LGR4: variants seen among roughly 807,000 people sequenced by gnomAD.
LGR4 encodes leucine-rich repeat-containing G protein-coupled receptor 4.
In LGR4, 44 loss-of-function variants were observed where a neutral mutation model predicts 84.8. The ratio of observed to expected loss-of-function variants is 0.52; its 90% confidence interval spans 0.41 to 0.67. The LOEUF is 0.67. Ranked by LOEUF, LGR4 falls within the 30% of genes least tolerant of loss-of-function variation. LGR4 has a pLI of 0.00. For missense variants in LGR4, 1,032 were observed against 1,131.4 expected, an observed-to-expected ratio of 0.91 and a Z score of 1.26; for synonymous variants, 429 against 434.3, an observed-to-expected ratio of 0.99 and a Z score of 0.15.
At chr11:27,441,947 A>T (rs1046849983) in intron 1 of LGR4, among the ~76,000 whole-genome samples, 3 of 152,234 alleles carry the variant, frequency 2.0e-5, no homozygotes, top group African/African-American at 4.8e-5. Context: ...AAGGATCAGA[A>T]CTAAAGGTCA....
At chr11:27,469,955 TC>T (rs1216662565) in intron 1 of LGR4, among the ~76,000 whole-genome samples, 1 of 152,198 alleles carries the variant, frequency 6.6e-6, no homozygotes, top group African/African-American at 2.4e-5. Flanking sequence ...TGAGCTAGTT[TC>T]CCCATGAGTA....
At chr11:27,458,601 C>A (rs569320722) in intron 1 of LGR4, among the ~76,000 whole-genome samples, 3 of 151,726 alleles carry the variant, frequency 2.0e-5, no homozygotes, top group Admixed American at 2.0e-4. Flanking sequence ...TGCAATGGCA[C>A]GATCTCAGCT....
Position 27,472,232 on chromosome 11 carries a change from G to T in LGR4, c.71C>A (p.Ala24Glu). ...GGGCGCCGCGCAGAGAGGCGGCGCC[G>T]CGCCGCTGGGCCCGGCCGAGCCGAG... ...GLLGSAGPSGAAPPLCAAPCS... is the reference protein window; with the variant it reads ...GLLGSAGPSGEAPPLCAAPCS... The change falls in exon 1 of 18, where the codon GCG (alanine) becomes GAG (glutamate). Residue 24 changes from alanine to glutamate, a missense_variant. By Grantham distance (107) the Ala-to-Glu change is moderately radical. Transcript: ENST00000379214. 1.5e-6 allele frequency: 2 copies of T among 1,346,788 alleles called. No individual in the cohort carries two copies. Among genetic ancestry groups the T allele is most frequent in the Non-Finnish European group, 1.9e-6 (2 of 1,052,082 alleles). 83.4% of individuals were successfully genotyped at this position (1,346,788 alleles called of 1,614,324 possible).
intron 1 of LGR4, among the ~76,000 whole-genome samples, chr11:27,471,380 T>C (rs969274125): frequency 2.6e-5 from 4 of 152,234 alleles, no homozygotes; most frequent in Non-Finnish European, 5.9e-5. Flanking sequence ...TCCAACATCC[T>C]GCACCTCAGG....
At chr11:27,420,101 GT>G (rs1259806016) in intron 1 of LGR4, among the ~76,000 whole-genome samples, 3 of 151,924 alleles carry the variant, frequency 2.0e-5, no homozygotes, top group Non-Finnish European at 4.4e-5. Flanking sequence ...TATTTTGTGG[GT>G]TTTTTCTTTT....
chr11:27,415,313 A>G (rs1238927679), intron 1 of LGR4, among the ~76,000 whole-genome samples: 2 of 152,118 alleles, frequency 1.3e-5, no homozygotes, highest in Non-Finnish European at 2.9e-5. Context: ...GTGAGTTATC[A>G]CTGTAACAGA....
chr11:27,434,089 C>T (rs946288988), intron 1 of LGR4, among the ~76,000 whole-genome samples: 1 of 152,218 alleles, frequency 6.6e-6, no homozygotes, highest in Non-Finnish European at 1.5e-5. Context: ...GAACTTAAGG[C>T]ATTTTTATTA....
chr11:27,380,033 CT>C (rs1863060610), intron 10 of LGR4, among the ~76,000 whole-genome samples: 1 of 152,174 alleles, frequency 6.6e-6, no homozygotes, highest in African/African-American at 2.4e-5. Flanking sequence ...TAATTTGGCA[CT>C]TTGTTACTGC....
intron 1 of LGR4, among the ~76,000 whole-genome samples, chr11:27,431,748 G>C (rs1048185204): frequency 6.6e-6 from 1 of 152,162 alleles, no homozygotes; most frequent in Admixed American, 6.5e-5. Flanking sequence ...CAATCTTCAA[G>C]AGCACTCCAT....
chr11:27,370,842 T>C (rs1478774633), intron 17 of LGR4, among the ~76,000 whole-genome samples: 2 of 152,122 alleles, frequency 1.3e-5, no homozygotes, highest in Non-Finnish European at 2.9e-5. Flanking sequence ...AAAATTAATA[T>C]AGACACTAAC....
chr11:27,372,463 A>C, intron 15 of LGR4, 65 bp from the exon 16 acceptor site: 1 of 964,424 alleles, frequency 1.0e-6, no homozygotes, highest in Non-Finnish European at 1.7e-6. Flanking sequence ...TTGTTTTGTA[A>C]AAGTATTTTA....
Position 27,472,211 on chromosome 11 carries a change from G to T in LGR4, c.92C>A (p.Ala31Glu). 7.3e-7 allele frequency: 1 copy of T among 1,368,632 alleles called. No homozygotes were observed. The highest frequency in any genetic ancestry group is 9.4e-7 in the Non-Finnish European group (1 of 1,059,950). The allele number at this position is 1,368,632 out of a possible 1,614,324, so 84.8% of individuals were successfully genotyped here. The change falls in exon 1 of 18, where the codon GCG becomes GAG. Residue 31 changes from alanine to glutamate, a missense_variant. Physicochemically the swap from Ala to Glu is moderately radical, Grantham distance 107 (BLOSUM62 -1). Coordinates refer to ENST00000379214, the MANE Select transcript of LGR4 (RefSeq NM_018490.5). ...ACGGTCGCCGTCGCAGCTGCAGGGC[G>T]CCGCGCAGAGAGGCGGCGCCGCGCC... is the stretch of plus-strand genomic sequence containing the variant. ...PSGAAPPLCA[A>E]PCSCDGDRRV...
chr11:27,470,901 G>A (rs191116459), intron 1 of LGR4, among the ~76,000 whole-genome samples: 3 of 152,026 alleles, frequency 2.0e-5, no homozygotes, highest in Admixed American at 2.0e-4. Flanking sequence ...TGGAAATACA[G>A]CAATGCTCCT....
Position 27,472,147 on chromosome 11 carries a change from G to C in LGR4, c.156C>G (p.Pro52=). The change falls in exon 1 of 18, where the codon CCC becomes CCG. Residue 52 remains proline (P), a synonymous_variant. Coordinates refer to ENST00000379214, the MANE Select transcript of LGR4 (RefSeq NM_018490.5). The part of the protein sequence containing the change: ...DCSGKGLTAV[P]EGLSAFTQAL... ...CTTGGGTGAAGGCGCTGAGCCCCTC[G>C]GGCACGGCCGTCAGCCCCTTCCCGG... The C allele has an allele frequency of 7.2e-7, 1 of 1,397,442 alleles. No individual in the cohort carries two copies. Among genetic ancestry groups the C allele is most frequent in the Non-Finnish European group, 9.3e-7 (1 of 1,077,476 alleles). 86.6% of individuals were successfully genotyped at this position (1,397,442 alleles called of 1,614,324 possible).
chr11:27,436,293 G>A (rs528999594), intron 1 of LGR4, among the ~76,000 whole-genome samples: 11 of 147,180 alleles, frequency 7.5e-5, no homozygotes, highest in East Asian at 2.0e-4. Flanking sequence ...CCTGTCTCCC[G>A]AATCACTACA....
rs1451545856 is a variant in LGR4, at chr11:27,416,177, TG to T, written c.186-3318del. Among the ~76,000 whole-genome samples, 77 of 152,268 alleles carry T rather than the reference TG, an allele frequency of 5.1e-4. 2 individuals are homozygous for T. The Middle Eastern group carries it at 0.027, about 54-fold the overall frequency. ...AAACCAAATGTAAATATATATCATA[TG>T]AGGTCAAAGCACCACCAACTCCCAA... On this transcript the variant is annotated intron_variant, in intron 1 of 17. Coordinates refer to ENST00000379214, the MANE Select transcript of LGR4 (RefSeq NM_018490.5).
chr11:27,374,348 A>G (rs1029421944), intron 13 of LGR4, among the ~76,000 whole-genome samples: 6 of 152,216 alleles, frequency 3.9e-5, no homozygotes, highest in African/African-American at 1.4e-4. Flanking sequence ...ATATGATATA[A>G]CCTTTGGTAC....
At chr11:27,405,890 C>A (rs1286057045) in intron 2 of LGR4, among the ~76,000 whole-genome samples, 2 of 152,152 alleles carry the variant, frequency 1.3e-5, no homozygotes, top group Non-Finnish European at 2.9e-5. Context: ...TATGAGACTA[C>A]ATTTATTGAA....
chr11:27,426,265 A>T (rs1257420622), intron 1 of LGR4, among the ~76,000 whole-genome samples: 1 of 152,252 alleles, frequency 6.6e-6, no homozygotes, highest in African/African-American at 2.4e-5. Context: ...CTATTGCTAC[A>T]ACCAAATAAT....
Sources: gnomAD v4.1 joint callset for allele counts (sites outside exome capture counted in the v4.1 genomes callset) on GRCh38, gnomAD v4.1.1 for gene constraint, MANE v1.5 for transcripts, NCBI Gene and HGNC (gene_info 2026-07-23, HGNC 2026-07-21) for gene names.